Variants in RAB12 observed in about 807,000 individuals in gnomAD.
RAB12 encodes the protein ras-related protein Rab-12.
RAB12 carries 11 observed loss-of-function variants against 28.4 expected under a neutral mutation model. The observed-to-expected ratio is 0.39, with a 90% CI of 0.24 to 0.64. The LOEUF (loss-of-function observed/expected upper bound fraction) is 0.64. Among genes scored for constraint, RAB12 ranks in the 30% least tolerant of loss-of-function variants. The pLI is 0.50. For synonymous variants in RAB12, 138 were observed against 145.3 expected, an observed-to-expected ratio of 0.95 and a Z score of 0.36; for missense variants, 276 against 351.1, an observed-to-expected ratio of 0.79 and a Z score of 1.71.
chr18:8,630,371 A>G (rs138658300), intron 2 of RAB12, among the ~76,000 whole-genome samples: 1 of 152,360 alleles, frequency 6.6e-6, no homozygotes, highest in African/African-American at 2.4e-5. Context: ...ATAGAAAGCA[A>G]TGTCTGGGTT....
chr18:8,612,443 T>C (rs1389645371), intron 1 of RAB12, among the ~76,000 whole-genome samples: 1 of 152,170 alleles, frequency 6.6e-6, no homozygotes, highest in Non-Finnish European at 1.5e-5. Context: ...TTCATCTTCA[T>C]GTAGTGCAGT....
At chr18:8,622,101 A>G (rs1320608157) in intron 1 of RAB12, among the ~76,000 whole-genome samples, 1 of 152,146 alleles carries the variant, frequency 6.6e-6, no homozygotes, top group Non-Finnish European at 1.5e-5. Context: ...AGCAGAGAAA[A>G]CTGTAGTCAA....
In RAB12 at chr18:8,628,595, C is replaced by T. The variant is rs76432721; in HGVS notation, c.575+3597C>T. On this transcript the variant is annotated intron_variant, in intron 2 of 5. Transcript: ENST00000649141. ...TCAACTAAATCAGTTTGCTCATTTG[C>T]GTTAGGACGATTGCCTCAGGTTTTG... 3.8e-3 allele frequency among the ~76,000 whole-genome samples: 586 copies of T among 152,210 alleles called. 2 individuals are homozygous for T. The highest frequency in any genetic ancestry group is 0.014 in the African/African-American group (561 of 41,516).
At chr18:8,637,345 C>T (rs879655013) in intron 5 of RAB12, among the ~76,000 whole-genome samples, 3 of 150,884 alleles carry the variant, frequency 2.0e-5, no homozygotes, top group Non-Finnish European at 4.4e-5. Flanking sequence ...AAGTATGCAA[C>T]TCCTTGGAAT....
chr18:8,613,055 A>C (rs567200459), intron 1 of RAB12, among the ~76,000 whole-genome samples: 1 of 152,360 alleles, frequency 6.6e-6, no homozygotes, highest in Non-Finnish European at 1.5e-5. Flanking sequence ...TATTATGTAA[A>C]ATTATAAATG....
In RAB12 at chr18:8,623,472, G is replaced by A. The variant is rs79270013; in HGVS notation, c.515-1466G>A. Among the ~76,000 whole-genome samples the A allele has an allele frequency of 6.8e-3, 1,030 of 152,306 alleles. 17 individuals carry two copies. The highest frequency in any genetic ancestry group is 0.023 in the African/African-American group (974 of 41,560). ...TGAAATCCTAACTCTACATTAATAT[G>A]AAGACAGTGTTTTGTCATTAAACTG... On this transcript the variant is annotated intron_variant, in intron 1 of 5. Coordinates refer to ENST00000649141, the MANE Select transcript of RAB12 (RefSeq NM_001025300.3).
At chr18:8,630,537 CTCA>C in intron 2 of RAB12, among the ~76,000 whole-genome samples, 1 of 152,290 alleles carries the variant, frequency 6.6e-6, no homozygotes, top group Non-Finnish European at 1.5e-5. Context: ...ACCCCCACTG[CTCA>C]TCATGGCCAG....
At chr18:8,630,272 G>A (rs2096015170) in intron 2 of RAB12, among the ~76,000 whole-genome samples, 1 of 152,190 alleles carries the variant, frequency 6.6e-6, no homozygotes, top group Non-Finnish European at 1.5e-5. Flanking sequence ...ATCTGGACAG[G>A]TGAGACAGCT....
rs752743851 is a variant in RAB12, at chr18:8,638,133, T to A, written c.910-16T>A. On this transcript the variant is annotated splice_polypyrimidine_tract_variant and intron_variant, in intron 5 of 5. Transcript: ENST00000649141. ...TAAAGTTAAAACGGATTTTTTTTTG[T>A]TTGTTTATACGTTAGATGCCTCTGG... 1.3e-6 allele frequency: 2 copies of A among 1,570,704 alleles called. No homozygotes were observed.
At chr18:8,636,095 A>G in intron 4 of RAB12, 158 bp from the exon 5 acceptor site, 1 of 609,126 alleles carries the variant, frequency 1.6e-6, no homozygotes. Flanking sequence ...TTATAATGTA[A>G]GAATTTGCTA....
chr18:8,613,866 AGTG>A (rs762169604), intron 1 of RAB12, among the ~76,000 whole-genome samples: 1 of 149,408 alleles, frequency 6.7e-6, no homozygotes, highest in Non-Finnish European at 1.5e-5. Context: ...TAGTAGTAGT[AGTG>A]GTCACTGCTA....
At position 8,638,708 on chromosome 18, in the gene RAB12, T is replaced by C. The variant is rs958682495; in HGVS notation, c.*446T>C. 2 of 154,606 alleles carry C rather than the reference T, an allele frequency of 1.3e-5. No homozygotes were observed. The highest frequency in any genetic ancestry group is 2.9e-5 in the Non-Finnish European group (2 of 69,454). 9.6% of individuals were successfully genotyped at this position (154,606 alleles called of 1,614,324 possible). A position where few individuals can be genotyped will look rare whatever the true frequency, so the allele number is the denominator to read the frequency against. The stretch of plus-strand genomic sequence containing the variant: ...AAAGCTATCTTAAGTGCTTTTTCTT[T>C]ATTTACAAGACATTTCCCCCAGTGG... On this transcript the variant is annotated 3_prime_UTR_variant, in exon 6 of 6. Transcript: ENST00000649141.
chr18:8,633,506 GA>G (rs1361109424), intron 3 of RAB12, among the ~76,000 whole-genome samples, 179 bp downstream of exon 3: 1 of 152,168 alleles, frequency 6.6e-6, no homozygotes, highest in Admixed American at 6.5e-5. Context: ...AGGCAAAGAA[GA>G]ATTAAATTTA....
chr18:8,612,599 G>C (rs1451467369), intron 1 of RAB12, among the ~76,000 whole-genome samples: 2 of 152,204 alleles, frequency 1.3e-5, no homozygotes, highest in Non-Finnish European at 2.9e-5. Flanking sequence ...GACCAAGATG[G>C]GTCACTAGAG....
At chr18:8,637,715 A>T (rs1046468546) in intron 5 of RAB12, among the ~76,000 whole-genome samples, 1 of 152,244 alleles carries the variant, frequency 6.6e-6, no homozygotes, top group African/African-American at 2.4e-5. Context: ...CTAAAAGCCT[A>T]TCACTGACTG....
At chr18:8,631,715 C>T (rs2096016093) in intron 2 of RAB12, among the ~76,000 whole-genome samples, 1 of 152,150 alleles carries the variant, frequency 6.6e-6, no homozygotes, top group African/African-American at 2.4e-5. Context: ...GTCAAGTGCA[C>T]ATCTATAATT....
At chr18:8,615,781 A>G (rs2096006387) in intron 1 of RAB12, among the ~76,000 whole-genome samples, 1 of 152,248 alleles carries the variant, frequency 6.6e-6, no homozygotes, top group Non-Finnish European at 1.5e-5. Context: ...TAGGTTGTTT[A>G]TGTTGAATAA....
At chr18:8,621,776 A>G (rs770480014) in intron 1 of RAB12, among the ~76,000 whole-genome samples, 3 of 151,284 alleles carry the variant, frequency 2.0e-5, no homozygotes, top group Non-Finnish European at 4.4e-5. Flanking sequence ...CCTCCTACCC[A>G]TCACCCTCAG....
chr18:8,633,412 A>G (rs1274903176), intron 3 of RAB12, 85 bp downstream of exon 3: 1 of 1,469,548 alleles, frequency 6.8e-7, no homozygotes, highest in Non-Finnish European at 9.4e-7. Flanking sequence ...AAACACATGT[A>G]TTGAGCATGT....
Sources: allele counts gnomAD v4.1 joint callset (sites outside exome capture counted in the v4.1 genomes callset), GRCh38; gene constraint gnomAD v4.1.1; transcripts MANE v1.5; gene names NCBI Gene and HGNC (gene_info 2026-07-23, HGNC 2026-07-21).